HDAC4: variants seen among roughly 807,000 people sequenced by gnomAD.
HDAC4 encodes the protein histone deacetylase A.
Under a neutral mutation model 135.1 loss-of-function variants are expected in HDAC4, and 16 were observed. The ratio of observed to expected loss-of-function variants is 0.12; its 90% CI spans 0.08 to 0.18. The LOEUF (loss-of-function observed/expected upper bound fraction) is 0.18. Ranked by LOEUF, HDAC4 falls within the 10% of genes least tolerant of loss-of-function variation. The pLI, the probability that HDAC4 is intolerant of heterozygous loss-of-function variation, is 1.00. For synonymous variants in HDAC4, 685 were observed against 653.4 expected (o/e 1.05, Z -0.74); for missense variants, 1,143 against 1,511.8 (o/e 0.76, Z 4.05).
chr2:239,082,013 G>T, intron 21 of HDAC4, 89 bp downstream of exon 21: 1 of 1,427,054 alleles, frequency 7.0e-7, no homozygotes, highest in Non-Finnish European at 9.8e-7. Flanking sequence ...CACTGCTGCC[G>T]GGCAGCTGTG....
At position 239,352,594 on chromosome 2, in the gene HDAC4, A is replaced by G; in HGVS notation, c.22+84T>C. Reference sequence around the variant, plus strand: ...AGAAAAACAAAAGTCTCAAATCCAGAAAGCAAGCTGCAGTCACAAGAACTT... The same window carrying G: ...AGAAAAACAAAAGTCTCAAATCCAGGAAGCAAGCTGCAGTCACAAGAACTT... On this transcript the variant is annotated intron_variant, in intron 2 of 26. Coordinates refer to ENST00000543185, the MANE Select transcript of HDAC4 (RefSeq NM_001378414.1). This position sits in a 1 kb window ranked among gnomAD's most constrained non-coding sequence, Gnocchi z 4.4. 7.5e-7 allele frequency: 1 copy of G among 1,340,010 alleles called. No homozygotes were observed. The highest frequency in any genetic ancestry group is 1.5e-5 in the African/African-American group (1 of 68,592). 83.0% of individuals were successfully genotyped at this position (1,340,010 alleles called of 1,614,324 possible).
intron 4 of HDAC4, 31 bp from the exon 5 acceptor site, chr2:239,176,594 G>C (rs2043790893): frequency 6.2e-7 from 1 of 1,603,784 alleles, no homozygotes; most frequent in Admixed American, 1.7e-5. Context: ...CAGACGGTCA[G>C]AGCCCAGGCT....
chr2:239,296,333 G>C (rs2051891589), intron 2 of HDAC4, among the ~76,000 whole-genome samples: 1 of 152,256 alleles, frequency 6.6e-6, no homozygotes, highest in Non-Finnish European at 1.5e-5. Flanking sequence ...TACCCGCCTG[G>C]ACCAGGGTCT....
chr2:239,350,385 C>T (rs2125914611), intron 2 of HDAC4, among the ~76,000 whole-genome samples: 1 of 151,422 alleles, frequency 6.6e-6, no homozygotes, highest in East Asian at 1.9e-4. Context: ...ATCGAGCAGA[C>T]AGAAAAAAAT....
chr2:239,337,632 C>A (rs1692025596), intron 2 of HDAC4, among the ~76,000 whole-genome samples: 1 of 152,184 alleles, frequency 6.6e-6, no homozygotes, highest in Non-Finnish European at 1.5e-5. Flanking sequence ...GAGCTCCCAA[C>A]TTGCTTCCAA....
intron 12 of HDAC4, among the ~76,000 whole-genome samples, chr2:239,121,145 CGG>C (rs1441311821): frequency 1.3e-5 from 2 of 151,894 alleles, no homozygotes; most frequent in Non-Finnish European, 2.9e-5. Context: ...TTTGTAGAGA[CGG>C]GATTTCACCA....
chr2:239,119,646 G>A (rs1427469841), intron 12 of HDAC4, among the ~76,000 whole-genome samples: 1 of 152,128 alleles, frequency 6.6e-6, no homozygotes, highest in African/African-American at 2.4e-5. Flanking sequence ...AGGGTGCGGG[G>A]ACCAGACCTA....
chr2:239,077,516 G>A (rs1247149590), intron 22 of HDAC4, among the ~76,000 whole-genome samples: 1 of 152,274 alleles, frequency 6.6e-6, no homozygotes, highest in Admixed American at 6.5e-5. Flanking sequence ...GAAGGCTGGC[G>A]CAGGACGAGC....
intron 6 of HDAC4, among the ~76,000 whole-genome samples, chr2:239,160,058 T>C (rs2042693054): frequency 6.6e-6 from 1 of 152,232 alleles, no homozygotes. Flanking sequence ...GTACCAGTGA[T>C]TTCCAAGAAA....
intron 2 of HDAC4, among the ~76,000 whole-genome samples, chr2:239,333,161 A>T (rs865796403): frequency 6.6e-6 from 1 of 152,222 alleles, no homozygotes; most frequent in Non-Finnish European, 1.5e-5. Flanking sequence ...TCTTCAAGAA[A>T]ATCAAACAGG....
At chr2:239,277,612 C>G (rs763879401) in intron 2 of HDAC4, among the ~76,000 whole-genome samples, 2 of 152,178 alleles carry the variant, frequency 1.3e-5, no homozygotes, top group Admixed American at 6.5e-5. Context: ...TCTCACCGCA[C>G]GCATCCCCGG....
At chr2:239,329,851 T>C (rs925731245) in intron 2 of HDAC4, among the ~76,000 whole-genome samples, 1 of 151,852 alleles carries the variant, frequency 6.6e-6, no homozygotes, top group East Asian at 2.0e-4. Context: ...TGAAGTCTCT[T>C]AGGAGCCCCA....
intron 3 of HDAC4, among the ~76,000 whole-genome samples, chr2:239,227,667 G>A (rs1377228973): frequency 1.3e-5 from 2 of 152,236 alleles, no homozygotes; most frequent in African/African-American, 2.4e-5. Flanking sequence ...CAGCCCTGGA[G>A]TTCCAGGACA....
At chr2:239,118,467 G>C (rs1248422677) in intron 12 of HDAC4, among the ~76,000 whole-genome samples, 1 of 152,200 alleles carries the variant, frequency 6.6e-6, no homozygotes, top group Non-Finnish European at 1.5e-5. Flanking sequence ...CAAACTCGCA[G>C]GGAGGAGAGT....
In HDAC4 at chr2:239,115,619, A is replaced by C. The variant is rs551856195; in HGVS notation, c.1534-309T>G. Among the ~76,000 whole-genome samples, 1 of 152,212 alleles carries C rather than the reference A, an allele frequency of 6.6e-6. No homozygotes were observed. The highest frequency in any genetic ancestry group is 2.4e-5 in the African/African-American group (1 of 41,538). On this transcript the variant is annotated intron_variant, in intron 12 of 26. Coordinates refer to ENST00000543185, the MANE Select transcript of HDAC4 (RefSeq NM_001378414.1). This position sits in a 1 kb window ranked among gnomAD's most constrained non-coding sequence, Gnocchi z 6.3. The stretch of plus-strand genomic sequence containing the variant: ...CTGTGTCAGGCACCGAGAAACAGAA[A>C]AGAAGCTGCAGGTGTCAACAGAGTC...
At chr2:239,356,018 T>C (rs1013981165) in intron 1 of HDAC4, among the ~76,000 whole-genome samples, 48 of 152,310 alleles carry the variant, frequency 3.2e-4, no homozygotes, top group Admixed American at 7.8e-4. Flanking sequence ...CTTGCAAAAC[T>C]GTATACTAAA....
chr2:239,180,833 T>C (rs981686263), intron 4 of HDAC4, among the ~76,000 whole-genome samples: 1 of 152,188 alleles, frequency 6.6e-6, no homozygotes, highest in Non-Finnish European at 1.5e-5. Flanking sequence ...CCCCAGCAGA[T>C]AGCTCTGGAC....
chr2:239,291,283 C>T (rs1032644691), intron 2 of HDAC4, among the ~76,000 whole-genome samples: 1 of 152,214 alleles, frequency 6.6e-6, no homozygotes, highest in African/African-American at 2.4e-5. Flanking sequence ...AGGGCTGGCC[C>T]GGGCTGGCCA....
At chr2:239,253,074 G>A (rs2048871565) in intron 2 of HDAC4, among the ~76,000 whole-genome samples, 1 of 152,174 alleles carries the variant, frequency 6.6e-6, no homozygotes, top group Admixed American at 6.5e-5. Context: ...CTTCATACGC[G>A]GCATTAAGCT....
Sources: gnomAD v4.1 joint callset for allele counts (sites outside exome capture counted in the v4.1 genomes callset) on GRCh38, gnomAD v4.1.1 for gene constraint, Gnocchi (gnomAD v3.1) non-coding constraint, MANE v1.5 for transcripts, NCBI Gene and HGNC (gene_info 2026-07-23, HGNC 2026-07-21) for gene names.